The following TECPR2 variants were observed in gnomAD, a reference collection of about 807,000 sequenced individuals.
TECPR2 encodes tectonin beta-propeller repeat containing 2.
A neutral mutation model predicts 138.1 loss-of-function variants in TECPR2; 65 were observed. The ratio of observed to expected loss-of-function variants is 0.47; its 90% CI spans 0.39 to 0.58. The LOEUF (loss-of-function observed/expected upper bound fraction) is 0.58. Among genes scored for constraint, TECPR2 ranks in the 20% least tolerant of loss-of-function variants. The probability of loss-of-function intolerance (pLI) is 0.00; values close to 1 mark genes in which losing one functional copy is unlikely to be tolerated. For synonymous variants in TECPR2, 746 were observed against 749.8 expected (o/e 0.99, Z 0.08); for missense variants, 1,553 against 1,824.5 (o/e 0.85, Z 2.71).
chr14:102,417,109 T>C (rs747682676), intron 5 of TECPR2, among the ~76,000 whole-genome samples: 11 of 152,234 alleles, frequency 7.2e-5, no homozygotes, highest in African/African-American at 1.4e-4. Context: ...GGAACATTGA[T>C]TGAAAGCGTG....
At chr14:102,422,796 G>A (rs980929213) in intron 5 of TECPR2, among the ~76,000 whole-genome samples, 12 of 152,104 alleles carry the variant, frequency 7.9e-5, no homozygotes, top group Admixed American at 7.9e-4. Context: ...TTGGGGATGG[G>A]TTCCCAGGTG....
At chr14:102,458,432 A>T (rs1890324906) in intron 16 of TECPR2, among the ~76,000 whole-genome samples, 1 of 152,044 alleles carries the variant, frequency 6.6e-6, no homozygotes, top group Non-Finnish European at 1.5e-5. Context: ...TCCACGTTAC[A>T]TGGCTCCACG....
intron 16 of TECPR2, among the ~76,000 whole-genome samples, chr14:102,454,888 A>G (rs1200292795): frequency 1.3e-5 from 2 of 152,202 alleles, no homozygotes; most frequent in Non-Finnish European, 1.5e-5. Flanking sequence ...TTCAGAGTGA[A>G]TGGGCATCAT....
rs537096291 is a variant in TECPR2, at chr14:102,388,929, C to A, written c.219+11989C>A. Among the ~76,000 whole-genome samples, 33 of 148,198 alleles carry A rather than the reference C, an allele frequency of 2.2e-4. No individual in the cohort carries two copies. The East Asian group carries it at 6.3e-3, about 28-fold the overall frequency. The stretch of plus-strand genomic sequence containing the variant: ...TGAGCCGAGATTGCGCCACTGCACT[C>A]CAGCCTGGGCGACAGAGCAAGACTC... On this transcript the variant is annotated intron_variant, in intron 2 of 19. Transcript: ENST00000359520.
intron 2 of TECPR2, among the ~76,000 whole-genome samples, chr14:102,405,163 G>T (rs1294513064): frequency 6.6e-6 from 1 of 151,956 alleles, no homozygotes; most frequent in East Asian, 2.0e-4. Flanking sequence ...TAAAAAATTA[G>T]CCAGGTGTGG....
rs763785682 is a variant in TECPR2 at position 102,460,818 on chromosome 14, C to T, written c.3641-4323C>T. Among the ~76,000 whole-genome samples, 40 of 151,814 alleles carry T rather than the reference C, an allele frequency of 2.6e-4. 1 individual carries two copies. The Middle Eastern group carries it at 0.014, about 52-fold the overall frequency. Reference sequence around the variant, plus strand: ...CACGCCATCCTCCTGCCTCAGCCTCCTGAGTAGCTGGGACTACAGGCACCC... The same window carrying T: ...CACGCCATCCTCCTGCCTCAGCCTCTTGAGTAGCTGGGACTACAGGCACCC... On this transcript the variant is annotated intron_variant, in intron 16 of 19. Coordinates refer to ENST00000359520, the MANE Select transcript of TECPR2 (RefSeq NM_014844.5).
intron 12 of TECPR2, among the ~76,000 whole-genome samples, chr14:102,445,234 G>A (rs1458513938): frequency 3.3e-5 from 5 of 152,250 alleles, no homozygotes; most frequent in Admixed American, 3.3e-4. Context: ...GGAAGGAGGG[G>A]GAGGGCGTCT....
Position 102,499,065 on chromosome 14 carries a change from C to T in TECPR2, c.*808C>T. 1.4e-6 allele frequency: 1 copy of T among 702,600 alleles called. No homozygotes were observed. Among genetic ancestry groups the T allele is most frequent in the Admixed American group, 2.0e-5 (1 of 49,992 alleles). The allele number at this position is 702,600 out of a possible 1,614,324, so 43.5% of individuals were successfully genotyped here. A position where few individuals can be genotyped will look rare whatever the true frequency, so the allele number is the denominator to read the frequency against. Reference sequence around the variant, plus strand: ...ACACCACACCACACCTCACTGCCCACACACGGCGCAGGCTGCCCGCCTCCT... The same window carrying T: ...ACACCACACCACACCTCACTGCCCATACACGGCGCAGGCTGCCCGCCTCCT... On this transcript the variant is annotated 3_prime_UTR_variant, in exon 20 of 20. Transcript: ENST00000359520.
At position 102,500,614 on chromosome 14, in the gene TECPR2, C is replaced by T. The variant is rs1891417321; in HGVS notation, c.*2357C>T. On this transcript the variant is annotated 3_prime_UTR_variant, in exon 20 of 20. Transcript: ENST00000359520. ...AGGAAATGACCTCAGCAAGAAACCT[C>T]AGGCCGTGTGAAGAGCAGCAAAGCT... 1 of 152,290 alleles carries T rather than the reference C, an allele frequency of 6.6e-6. No homozygotes were observed. The highest frequency in any genetic ancestry group is 1.5e-5 in the Non-Finnish European group (1 of 68,074). The allele number at this position is 152,290 out of a possible 1,614,324, so 9.4% of individuals were successfully genotyped here. A position where few individuals can be genotyped will look rare whatever the true frequency, so the allele number is the denominator to read the frequency against.
chr14:102,419,817 TC>T lies in TECPR2; in HGVS notation c.638+5028del, dbSNP rs976719100. On this transcript the variant is annotated intron_variant, in intron 5 of 19. Transcript: ENST00000359520. The surrounding 1 kb of genome is among the most constrained non-coding windows in gnomAD (Gnocchi z 4.8). ...AGCCCTCTGCAGACCTGTTACTGTG[TC>T]CCCTGTGAGTCTAGTACTCAGGGAA... Among the ~76,000 whole-genome samples, 5 of 152,294 alleles carry T rather than the reference TC, an allele frequency of 3.3e-5. No individual in the cohort carries two copies. The highest frequency in any genetic ancestry group is 1.2e-4 in the African/African-American group (5 of 41,560).
chr14:102,473,774 T>C (rs534736676), intron 17 of TECPR2, among the ~76,000 whole-genome samples: 40 of 152,180 alleles, frequency 2.6e-4, no homozygotes, highest in South Asian at 1.7e-3. Flanking sequence ...TAGTCTGGAG[T>C]TTGCTGTTTG....
chr14:102,395,298 T>C (rs1888287255), intron 2 of TECPR2, among the ~76,000 whole-genome samples: 1 of 152,220 alleles, frequency 6.6e-6, no homozygotes, highest in South Asian at 2.1e-4. Context: ...GGAGGTATAT[T>C]TGTTTCTTGC....
intron 2 of TECPR2, among the ~76,000 whole-genome samples, chr14:102,382,960 G>A (rs1214177713): frequency 6.6e-6 from 1 of 152,084 alleles, no homozygotes; most frequent in Non-Finnish European, 1.5e-5. Flanking sequence ...GTTTCACCAC[G>A]TTGGCCAGGC....
intron 4 of TECPR2, among the ~76,000 whole-genome samples, chr14:102,410,370 C>G (rs1166220548): frequency 7.1e-6 from 1 of 141,370 alleles, no homozygotes; most frequent in Non-Finnish European, 1.6e-5. Context: ...GACCTTTGTT[C>G]ACTTGTTTAT....
Position 102,376,715 on chromosome 14 carries a change from C to T in TECPR2, c.-7C>T. On this transcript the variant is annotated 5_prime_UTR_variant, in exon 2 of 20. Transcript: ENST00000359520. Reference sequence around the variant, plus strand: ...CTGCGTGAAGATAGTCTGTGGAAACCTTGGCCATGGCATCGATATCAGAGC... The same window carrying T: ...CTGCGTGAAGATAGTCTGTGGAAACTTTGGCCATGGCATCGATATCAGAGC... 2 of 1,613,822 alleles carry T rather than the reference C, an allele frequency of 1.2e-6. No individual in the cohort carries two copies. Among genetic ancestry groups the T allele is most frequent in the South Asian group, 2.2e-5 (2 of 91,072 alleles).
intron 17 of TECPR2, among the ~76,000 whole-genome samples, chr14:102,496,351 T>C (rs1891279707): frequency 6.6e-6 from 1 of 152,168 alleles, no homozygotes; most frequent in South Asian, 2.1e-4. Context: ...TGGGGCAAAC[T>C]GGAGTTGCCG....
At chr14:102,493,729 C>T (rs1304077148) in intron 17 of TECPR2, among the ~76,000 whole-genome samples, 1 of 152,346 alleles carries the variant, frequency 6.6e-6, no homozygotes, top group South Asian at 2.1e-4. Context: ...CTGGCCGCCC[C>T]GCCCCAGCCT....
At chr14:102,425,734 C>T (rs1024652338) in intron 6 of TECPR2, among the ~76,000 whole-genome samples, 1 of 151,870 alleles carries the variant, frequency 6.6e-6, no homozygotes, top group Admixed American at 6.6e-5. Flanking sequence ...TGCCACCACG[C>T]CTGGCTAATT....
intron 2 of TECPR2, among the ~76,000 whole-genome samples, chr14:102,389,324 T>C (rs1375149549): frequency 1.3e-5 from 2 of 152,088 alleles, no homozygotes; most frequent in South Asian, 2.1e-4. Context: ...AGTCTCTGTC[T>C]TAATAAATAC....
Sources: gnomAD v4.1 joint callset for allele counts (sites outside exome capture counted in the v4.1 genomes callset) on GRCh38, gnomAD v4.1.1 for gene constraint, Gnocchi (gnomAD v3.1) non-coding constraint, MANE v1.5 for transcripts, NCBI Gene and HGNC (gene_info 2026-07-23, HGNC 2026-07-21) for gene names.